The following ZDHHC7 variants were observed in gnomAD, a reference collection of about 807,000 sequenced individuals.
ZDHHC7 encodes the protein palmitoyltransferase ZDHHC7.
A neutral mutation model predicts 34.1 loss-of-function variants in ZDHHC7; 12 were observed. The observed-to-expected ratio is 0.35, with a 90% CI of 0.23 to 0.57. The LOEUF is 0.57. Among genes scored for constraint, ZDHHC7 ranks in the 20% least tolerant of loss-of-function variants. The pLI, the probability that ZDHHC7 is intolerant of heterozygous loss-of-function variation, is 0.84. For synonymous variants in ZDHHC7, 185 were observed against 155.4 expected (o/e 1.19, Z -1.42); for missense variants, 388 against 402.7 (o/e 0.96, Z 0.31).
the ZDHHC7 span, among the ~76,000 whole-genome samples, chr16:85,025,426 G>C: frequency 6.7e-6 from 1 of 150,102 alleles, no homozygotes; most frequent in Non-Finnish European, 1.5e-5. Flanking sequence ...TTTTTGGGGG[G>C]GGGGACTAAG....
intron 1 of ZDHHC7, among the ~76,000 whole-genome samples, chr16:85,006,429 G>C (rs1227727601): frequency 6.6e-6 from 1 of 151,994 alleles, no homozygotes; most frequent in Non-Finnish European, 1.5e-5. Flanking sequence ...AATATATAGG[G>C]CCAGGTGCAG....
chr16:84,997,706 A>T (rs915790455), intron 1 of ZDHHC7, among the ~76,000 whole-genome samples: 2 of 150,118 alleles, frequency 1.3e-5, no homozygotes, highest in African/African-American at 4.9e-5. Context: ...CATCCTGGCT[A>T]AAACAGTGAA....
chr16:85,001,365 G>A (rs1289989610), intron 1 of ZDHHC7, among the ~76,000 whole-genome samples: 1 of 151,108 alleles, frequency 6.6e-6, no homozygotes, highest in African/African-American at 2.4e-5. Context: ...TAGCTACTTG[G>A]GCAGCTGAGG....
intron 7 of ZDHHC7, 132 bp downstream of exon 7, chr16:84,976,963 G>C (rs2072306527): frequency 1.5e-6 from 2 of 1,293,406 alleles, no homozygotes; most frequent in Non-Finnish European, 1.1e-6. Context: ...CAGGGAGCTG[G>C]TTGCAGCTCA....
At chr16:84,986,211 C>A (rs1392477347) in intron 3 of ZDHHC7, among the ~76,000 whole-genome samples, 3 of 152,186 alleles carry the variant, frequency 2.0e-5, no homozygotes, top group African/African-American at 7.2e-5. Context: ...GTGGAGCGCT[C>A]TTTTCTTCCT....
rs751361752 is a variant in ZDHHC7, at chr16:84,977,207, G to A, written c.638C>T (p.Pro213Leu). The change falls in exon 7 of 8, where the codon CCT (proline) becomes CTT (leucine). Residue 213 changes from proline to leucine, a missense_variant. By Grantham distance (98) the Pro-to-Leu change is moderately conservative. Coordinates refer to ENST00000313732, the MANE Select transcript of ZDHHC7 (RefSeq NM_017740.3). ...GATCAACAGGATTACAGTTATCGGA[G>A]GTGAAAAATCACTGCATTCTGCGGA... is the stretch of plus-strand genomic sequence containing the variant. ...GQWTECSDFS[P>L]PITVILLIFL... The A allele has an allele frequency of 1.2e-6, 2 of 1,614,162 alleles. No individual in the cohort carries two copies. The highest frequency in any genetic ancestry group is 1.7e-6 in the Non-Finnish European group (2 of 1,180,028).
intron 1 of ZDHHC7, among the ~76,000 whole-genome samples, chr16:85,010,131 C>A (rs912533007): frequency 6.6e-6 from 1 of 151,560 alleles, no homozygotes; most frequent in African/African-American, 2.4e-5. Flanking sequence ...GTGATCCCCC[C>A]ACCTCAGCCT....
chr16:84,982,933 T>C (rs2143581020), intron 3 of ZDHHC7, among the ~76,000 whole-genome samples: 1 of 152,308 alleles, frequency 6.6e-6, no homozygotes, highest in South Asian at 2.1e-4. Flanking sequence ...GGACCCGCTG[T>C]AGGGAAGGTA....
chr16:84,988,922 T>C (rs1265339354), intron 3 of ZDHHC7: 2 of 1,531,502 alleles, frequency 1.3e-6, no homozygotes, highest in East Asian at 2.5e-5. Context: ...CCTGGCCCTG[T>C]AGCTGGCCCT....
chr16:84,986,120 ATGAG>A (rs1485270833), intron 3 of ZDHHC7, among the ~76,000 whole-genome samples: 1 of 152,198 alleles, frequency 6.6e-6, no homozygotes, highest in Non-Finnish European at 1.5e-5. Flanking sequence ...AAACAAAAGA[ATGAG>A]TGAGATTTAG....
chr16:84,976,927 G>C (rs1013486628), intron 7 of ZDHHC7, among the ~76,000 whole-genome samples, 168 bp downstream of exon 7: 2 of 152,200 alleles, frequency 1.3e-5, no homozygotes, highest in South Asian at 4.1e-4. Context: ...AATATGCACT[G>C]CCCAGAATGA....
At chr16:84,984,122 C>T (rs1041600435) in intron 3 of ZDHHC7, among the ~76,000 whole-genome samples, 2 of 151,050 alleles carry the variant, frequency 1.3e-5, no homozygotes, top group Non-Finnish European at 2.9e-5. Flanking sequence ...GGGGTTCAAG[C>T]GATTCTCCTG....
intron 3 of ZDHHC7, among the ~76,000 whole-genome samples, chr16:84,989,047 G>C (rs2143631193): frequency 6.6e-6 from 1 of 152,290 alleles, no homozygotes; most frequent in South Asian, 2.1e-4. Flanking sequence ...GGCTCCTAGA[G>C]GGAGACCTGC....
intron 1 of ZDHHC7, among the ~76,000 whole-genome samples, chr16:85,003,415 C>T (rs1275990172): frequency 2.0e-5 from 3 of 152,206 alleles, no homozygotes; most frequent in South Asian, 2.1e-4. Context: ...ACAAAAGGAG[C>T]GCAGCACTCA....
rs746880631 is a variant in ZDHHC7 at position 84,981,855 on chromosome 16, C to G, written c.440+15G>C. ...GTGGCGGATGCGCTCGGGTTTAATACAGCAGCGCACGTACCTGCAGTGGTG... is the reference window on the plus strand; with the variant it reads ...GTGGCGGATGCGCTCGGGTTTAATAGAGCAGCGCACGTACCTGCAGTGGTG... On this transcript the variant is annotated intron_variant, in intron 4 of 7. Transcript: ENST00000313732. The G allele has an allele frequency of 1.4e-5, 22 of 1,613,372 alleles. No individual in the cohort carries two copies. The highest frequency in any genetic ancestry group is 1.8e-5 in the Non-Finnish European group (21 of 1,179,860).
At chr16:84,995,124 G>C (rs758400233) in intron 2 of ZDHHC7, among the ~76,000 whole-genome samples, 4 of 152,166 alleles carry the variant, frequency 2.6e-5, no homozygotes, top group Non-Finnish European at 5.9e-5. Context: ...ACTCAAGACA[G>C]TTTCTGAGGG....
At chr16:85,005,631 C>T (rs74874755) in intron 1 of ZDHHC7, among the ~76,000 whole-genome samples, 5,025 of 152,232 alleles carry the variant, frequency 0.033, 106 homozygotes, top group Middle Eastern at 0.044. Context: ...AAAGTGCATT[C>T]TGTAATGAAT....
At chr16:84,996,992 C>A (rs1468699829) in intron 1 of ZDHHC7, among the ~76,000 whole-genome samples, 2 of 150,460 alleles carry the variant, frequency 1.3e-5, no homozygotes, top group Non-Finnish European at 2.9e-5. Flanking sequence ...CACCACTGCA[C>A]TCCAGCCTGG....
intron 3 of ZDHHC7, 133 bp from the exon 4 acceptor site, chr16:84,982,127 C>T: frequency 8.5e-7 from 1 of 1,176,268 alleles, no homozygotes; most frequent in Non-Finnish European, 1.2e-6. Context: ...GTCAGGAGTT[C>T]AAGACCAGCC....
Sources: allele counts gnomAD v4.1 joint callset (sites outside exome capture counted in the v4.1 genomes callset), GRCh38; gene constraint gnomAD v4.1.1; transcripts MANE v1.5; gene names NCBI Gene and HGNC (gene_info 2026-07-23, HGNC 2026-07-21).